GAPVD1: variants seen among roughly 807,000 people sequenced by gnomAD.
GAPVD1 encodes GTPase activating protein and VPS9 domains 1.
Under a neutral mutation model 155.5 loss-of-function variants are expected in GAPVD1, and 35 were observed. The observed-to-expected ratio is 0.23, with a 90% CI of 0.17 to 0.30. The LOEUF (loss-of-function observed/expected upper bound fraction) is 0.30, where lower values mean the gene tolerates loss of function less well. Ranked by LOEUF, GAPVD1 falls within the 10% of genes least tolerant of loss-of-function variation. GAPVD1 has a pLI of 1.00. For missense variants in GAPVD1, 1,429 were observed against 1,775.7 expected, an observed-to-expected ratio of 0.80 and a Z score of 3.51; for synonymous variants, 636 against 619.7, an observed-to-expected ratio of 1.03 and a Z score of -0.39.
At chr9:125,336,111 C>T (rs996657704) in intron 15 of GAPVD1, among the ~76,000 whole-genome samples, 1 of 149,714 alleles carries the variant, frequency 6.7e-6, no homozygotes, top group Non-Finnish European at 1.5e-5. Flanking sequence ...CACCACTGCA[C>T]TCCAGCCAGG....
At chr9:125,283,028 T>TTTATTTA (rs1554753040) in intron 2 of GAPVD1, among the ~76,000 whole-genome samples, 6 of 143,324 alleles carry the variant, frequency 4.2e-5, no homozygotes, top group African/African-American at 1.6e-4. Flanking sequence ...TTATTTTTAT[T>TTTATTTA]TTTATTTATT....
chr9:125,315,786 C>T (rs1843330683), intron 9 of GAPVD1, among the ~76,000 whole-genome samples: 1 of 152,154 alleles, frequency 6.6e-6, no homozygotes, highest in South Asian at 2.1e-4. Context: ...AAAGCTCCCA[C>T]GTGTTCTGGG....
intron 27 of GAPVD1, among the ~76,000 whole-genome samples, chr9:125,361,394 G>A (rs1367375943): frequency 4.6e-5 from 7 of 151,868 alleles, no homozygotes; most frequent in African/African-American, 1.2e-4. Context: ...AAAAATTACA[G>A]GCTCCTGTAA....
intron 9 of GAPVD1, among the ~76,000 whole-genome samples, chr9:125,320,243 G>A (rs187215076): frequency 6.7e-4 from 102 of 152,288 alleles, no homozygotes; most frequent in Middle Eastern, 3.4e-3. Flanking sequence ...CCTAAAACAT[G>A]CTATGTGACT....
At chr9:125,280,305 A>G (rs1387871518) in intron 2 of GAPVD1, among the ~76,000 whole-genome samples, 1 of 143,980 alleles carries the variant, frequency 6.9e-6, no homozygotes, top group Non-Finnish European at 1.5e-5. Context: ...CTGAGGCAGG[A>G]GAATCGCTTG....
chr9:125,266,614 G>A (rs991403409), intron 1 of GAPVD1, among the ~76,000 whole-genome samples: 11 of 151,996 alleles, frequency 7.2e-5, no homozygotes, highest in African/African-American at 1.9e-4. Flanking sequence ...CGCGCAGCCC[G>A]TTATCTATAA....
intron 2 of GAPVD1, among the ~76,000 whole-genome samples, chr9:125,274,390 T>G (rs755406687): frequency 4.0e-5 from 6 of 151,834 alleles, no homozygotes; most frequent in Admixed American, 1.3e-4. Context: ...CACATATGCA[T>G]GCACTTACCA....
intron 2 of GAPVD1, among the ~76,000 whole-genome samples, chr9:125,293,868 A>AT (rs1437472068): frequency 9.8e-4 from 19 of 19,330 alleles, no homozygotes; most frequent in African/African-American, 8.1e-3. Flanking sequence ...ATATATATAT[A>AT]TATATATATA....
intron 1 of GAPVD1, chr9:125,263,872 A>G: frequency 7.2e-7 from 1 of 1,390,296 alleles, no homozygotes; most frequent in Admixed American, 1.7e-5. Context: ...AATCCCGGAG[A>G]TACTGGATAC....
At chr9:125,263,751 T>A (rs1349499605) in intron 1 of GAPVD1, 1 of 891,304 alleles carries the variant, frequency 1.1e-6, no homozygotes, top group Non-Finnish European at 1.9e-6. Context: ...CTTCCCCTCT[T>A]GTGAGTCTCG....
chr9:125,344,217 C>T (rs935880387), intron 19 of GAPVD1, among the ~76,000 whole-genome samples: 2 of 152,128 alleles, frequency 1.3e-5, no homozygotes, highest in African/African-American at 4.8e-5. Flanking sequence ...TTCTGTGACC[C>T]TAACTACTGT....
In GAPVD1 at chr9:125,320,847, C is replaced by T. The variant is rs750311404; in HGVS notation, c.1603-586C>T. Among the ~76,000 whole-genome samples, 4 of 152,178 alleles carry T rather than the reference C, an allele frequency of 2.6e-5. No individual in the cohort carries two copies. In the South Asian group the frequency reaches 6.2e-4, roughly 24 times the overall value. On this transcript the variant is annotated intron_variant, in intron 9 of 27. Transcript: ENST00000297933. ...TTCACCATGTTAGCCAGCATGGTCT[C>T]GATCTCCTGACCTCGTGATCTGCCT...
chr9:125,307,799 A>G lies in GAPVD1; in HGVS notation c.1360A>G (p.Ser454Gly), dbSNP rs745583811. ...LPPAKPGKSSSLEMTPYNTPQ... is the reference protein window; with the variant it reads ...LPPAKPGKSSGLEMTPYNTPQ... ...CCCGGCCAAGCCAGGAAAAAGTAGC[A>G]GTTTAGAAATGACTCCCTACAATAC... The change falls in exon 8 of 28, where the codon AGT becomes GGT. Residue 454 changes from serine to glycine, a missense_variant. Transcript: ENST00000297933. 2.5e-6 allele frequency: 4 copies of G among 1,613,536 alleles called. No individual in the cohort carries two copies. Among genetic ancestry groups the G allele is most frequent in the African/African-American group, 1.3e-5 (1 of 74,902 alleles).
At chr9:125,353,747 T>G (rs929567173) in intron 23 of GAPVD1, among the ~76,000 whole-genome samples, 7 of 152,194 alleles carry the variant, frequency 4.6e-5, no homozygotes, top group African/African-American at 1.4e-4. Context: ...TCAGATCTCT[T>G]GAGACTTAGT....
chr9:125,360,780 C>T (rs1462906644), intron 27 of GAPVD1, 55 bp downstream of exon 27: 9 of 1,245,446 alleles, frequency 7.2e-6, no homozygotes, highest in Non-Finnish European at 1.1e-5. Flanking sequence ...GAGCAGGTGG[C>T]ACAGGGCTTC....
Position 125,302,075 on chromosome 9 carries a change from A to T in GAPVD1, c.278A>T (p.Glu93Val). 6.2e-7 allele frequency: 1 copy of T among 1,612,776 alleles called. No individual in the cohort carries two copies. The highest frequency in any genetic ancestry group is 2.2e-5 in the East Asian group (1 of 44,818). The change falls in exon 5 of 28, where the codon GAG becomes GTG. Residue 93 changes from glutamate to valine, a missense_variant. Physicochemically the swap from Glu to Val is moderately radical, Grantham distance 121 (BLOSUM62 -2). Around this residue, in one of 4 missense-constraint regions of GAPVD1, gnomAD observed 628 missense variants for 733.4 expected, o/e 0.86. Coordinates refer to ENST00000297933, the MANE Select transcript of GAPVD1 (RefSeq NM_001282680.3). ...GGGTATAAGCAATTGGGATTTCAGG[A>T]GACTGCTTATGGAGAATTCTTGAGT... is the stretch of plus-strand genomic sequence containing the variant. ...VDGYKQLGFQ[E>V]TAYGEFLSRL...
chr9:125,265,702 C>T (rs1303030440), intron 1 of GAPVD1, among the ~76,000 whole-genome samples: 13 of 139,952 alleles, frequency 9.3e-5, no homozygotes, highest in Admixed American at 6.0e-4. Context: ...TGAGCCACCG[C>T]GCCCGGCCAA....
At chr9:125,293,878 A>ATTT (rs1839317029) in intron 2 of GAPVD1, among the ~76,000 whole-genome samples, 7 of 18,988 alleles carry the variant, frequency 3.7e-4, no homozygotes, top group African/African-American at 1.7e-3. Context: ...ATATATATAT[A>ATTT]TATATATATA....
chr9:125,282,670 A>T (rs1235939239), intron 2 of GAPVD1, among the ~76,000 whole-genome samples: 2 of 152,158 alleles, frequency 1.3e-5, no homozygotes, highest in Non-Finnish European at 2.9e-5. Context: ...GAATAATGAT[A>T]TCCTACACTC....
Sources: gnomAD v4.1 joint callset for allele counts (sites outside exome capture counted in the v4.1 genomes callset) on GRCh38, gnomAD v4.1.1 for gene constraint, gnomAD v4.1.1 regional missense constraint, MANE v1.5 for transcripts, NCBI Gene and HGNC (gene_info 2026-07-23, HGNC 2026-07-21) for gene names.